Variants in PCDHAC1 observed in about 807,000 individuals in gnomAD.
The protein encoded by PCDHAC1 is protocadherin alpha-C1.
Under a neutral mutation model 60.0 loss-of-function variants are expected in PCDHAC1, and 42 were observed. The ratio of observed to expected loss-of-function variants is 0.70; its 90% CI spans 0.55 to 0.90. PCDHAC1 has a LOEUF of 0.90. Ranked by LOEUF, PCDHAC1 falls within the 40% of genes least tolerant of loss-of-function variation. The probability of loss-of-function intolerance (pLI) is 0.00; values close to 1 mark genes in which losing one functional copy is unlikely to be tolerated. For missense variants in PCDHAC1, 1,160 were observed against 1,222.3 expected (o/e 0.95, Z 0.76); for synonymous variants, 468 against 499.3 (o/e 0.94, Z 0.84).
intron 1 of PCDHAC1, chr5:140,969,253 C>G (rs200334724): frequency 7.4e-6 from 12 of 1,614,084 alleles, no homozygotes; most frequent in Non-Finnish European, 8.5e-7. Context: ...TGACTGACAG[C>G]AGGAATCTCA....
At chr5:141,001,833 G>GAGACAGAGAGAGAGGTTGATT (rs1554258319) in intron 3 of PCDHAC1, among the ~76,000 whole-genome samples, 1 of 151,780 alleles carries the variant, frequency 6.6e-6, no homozygotes, top group East Asian at 1.9e-4. Context: ...GACAGAGAGG[G>GAGACAGAGAGAGAGGTTGATT]AGACAGAGAG....
chr5:140,935,405 A>G (rs1554210493), intron 1 of PCDHAC1, among the ~76,000 whole-genome samples: 1 of 152,248 alleles, frequency 6.6e-6, no homozygotes, highest in Non-Finnish European at 1.5e-5. Context: ...GGACTCAAAC[A>G]ATGGACTTAG....
At chr5:140,948,253 A>C (rs782144804) in intron 1 of PCDHAC1, among the ~76,000 whole-genome samples, 14 of 151,624 alleles carry the variant, frequency 9.2e-5, no homozygotes, top group Admixed American at 2.6e-4. Flanking sequence ...ATATTTTTAC[A>C]TCTGTGTTCA....
intron 1 of PCDHAC1, among the ~76,000 whole-genome samples, chr5:140,974,807 A>T (rs2096641510): frequency 6.6e-6 from 1 of 152,202 alleles, no homozygotes; most frequent in Admixed American, 6.5e-5. Context: ...ATATACTAGA[A>T]GACCAATATG....
intron 3 of PCDHAC1, among the ~76,000 whole-genome samples, chr5:140,991,295 A>G (rs1215731555): frequency 6.6e-6 from 1 of 152,202 alleles, no homozygotes; most frequent in African/African-American, 2.4e-5. Context: ...TTAACACATT[A>G]CTATTATCTT....
chr5:141,000,393 C>A (rs60881126), intron 3 of PCDHAC1, among the ~76,000 whole-genome samples: 1,562 of 52,558 alleles, frequency 0.03, 14 homozygotes, highest in East Asian at 0.037. Context: ...CTCTCTCTCT[C>A]TCTATATATA....
Position 141,011,486 on chromosome 5 carries a change from T to C in PCDHAC1, c.*1549T>C, listed in dbSNP as rs887081256. ...GAATGTAATTCCATTATATTTCCTT[T>C]TGTACACCTGTGAAAAAGTGGAGTA... is the stretch of plus-strand genomic sequence containing the variant. On this transcript the variant is annotated 3_prime_UTR_variant, in exon 4 of 4. Coordinates refer to ENST00000253807, the MANE Select transcript of PCDHAC1 (RefSeq NM_018898.5). 15 of 153,928 alleles carry C rather than the reference T, an allele frequency of 9.7e-5. No homozygotes were observed. Among genetic ancestry groups the C allele is most frequent in the African/African-American group, 2.9e-4 (12 of 41,596 alleles). The allele number at this position is 153,928 out of a possible 1,614,324, so 9.5% of individuals were successfully genotyped here.
At chr5:140,973,398 C>G (rs2096585734) in intron 1 of PCDHAC1, among the ~76,000 whole-genome samples, 1 of 152,230 alleles carries the variant, frequency 6.6e-6, no homozygotes, top group East Asian at 1.9e-4. Flanking sequence ...GAAATCATAT[C>G]TATGAGCTTC....
chr5:140,968,632 C>T, intron 1 of PCDHAC1: 1 of 1,614,176 alleles, frequency 6.2e-7, no homozygotes, highest in Non-Finnish European at 8.5e-7. Flanking sequence ...GGCTTTTTTA[C>T]CATCTAGCCC....
At chr5:140,979,571 G>A (rs2096856939) in intron 2 of PCDHAC1, among the ~76,000 whole-genome samples, 1 of 152,154 alleles carries the variant, frequency 6.6e-6, no homozygotes. Flanking sequence ...GCCATGTAAA[G>A]GGCTCCAAAT....
chr5:140,927,366 A>C lies in PCDHAC1; in HGVS notation c.474A>C (p.Ile158=). The C allele has an allele frequency of 6.2e-7, 1 of 1,614,088 alleles. No individual in the cohort carries two copies. The highest frequency in any genetic ancestry group is 8.5e-7 in the Non-Finnish European group (1 of 1,179,900). Residue 158 remains isoleucine, a synonymous_variant, in exon 1 of 4, where the codon ATA becomes ATC. Coordinates refer to ENST00000253807, the MANE Select transcript of PCDHAC1 (RefSeq NM_018898.5). ...AQDDDEGSNG[I]LSYSLSPSQH... is the part of the protein sequence containing the mutation. ...ATGACGACGAGGGAAGCAATGGGAT[A>C]CTAAGCTACAGCCTAAGCCCCAGTC...
chr5:140,967,210 C>A, intron 1 of PCDHAC1: 1 of 1,613,674 alleles, frequency 6.2e-7, no homozygotes, highest in Non-Finnish European at 8.5e-7. Flanking sequence ...CACCGCGTTT[C>A]CCGCGGCCCA....
chr5:141,000,615 A>G (rs2097951954), intron 3 of PCDHAC1, among the ~76,000 whole-genome samples: 1 of 150,870 alleles, frequency 6.6e-6, no homozygotes, highest in South Asian at 2.1e-4. Context: ...TTTAGTAGAG[A>G]CAGGGTTTCA....
intron 1 of PCDHAC1, among the ~76,000 whole-genome samples, chr5:140,954,934 T>A (rs1417357535): frequency 2.6e-5 from 4 of 152,208 alleles, no homozygotes; most frequent in African/African-American, 9.6e-5. Flanking sequence ...TTAATTAATC[T>A]TGAGTTAATT....
At chr5:140,964,417 C>T (rs1279243450) in intron 1 of PCDHAC1, among the ~76,000 whole-genome samples, 15 of 152,088 alleles carry the variant, frequency 9.9e-5, no homozygotes, top group Admixed American at 9.8e-4. Context: ...TGGGGGCTTC[C>T]ATTAAAAAAT....
At chr5:140,966,892 C>G (rs782364150) in intron 1 of PCDHAC1, 4 of 1,595,414 alleles carry the variant, frequency 2.5e-6, no homozygotes, top group South Asian at 1.1e-5. Flanking sequence ...CTGCGGCCTC[C>G]CAGCTGCGAT....
intron 1 of PCDHAC1, among the ~76,000 whole-genome samples, chr5:140,937,353 T>C (rs2091494629): frequency 6.6e-6 from 1 of 152,146 alleles, no homozygotes; most frequent in Admixed American, 6.5e-5. Context: ...ATTTATTTTA[T>C]TATTTTATCT....
At chr5:140,961,347 T>TTGAGAGACCAA (rs2095606709) in intron 1 of PCDHAC1, among the ~76,000 whole-genome samples, 1 of 152,216 alleles carries the variant, frequency 6.6e-6, no homozygotes, top group South Asian at 2.1e-4. Flanking sequence ...AGTGGATCCC[T>TTGAGAGACCAA]GTAGTCCCCA....
At chr5:140,951,420 T>G (rs1212893926) in intron 1 of PCDHAC1, among the ~76,000 whole-genome samples, 3 of 151,992 alleles carry the variant, frequency 2.0e-5, no homozygotes, top group African/African-American at 7.2e-5. Flanking sequence ...TGGCTCACAG[T>G]TCCACAGGCT....
Sources: gnomAD v4.1 joint callset for allele counts (sites outside exome capture counted in the v4.1 genomes callset) on GRCh38, gnomAD v4.1.1 for gene constraint, MANE v1.5 for transcripts, NCBI Gene and HGNC (gene_info 2026-07-23, HGNC 2026-07-21) for gene names.